The following MTMR4 variants were observed in gnomAD, a reference collection of about 807,000 sequenced individuals.
MTMR4 encodes the protein myotubularin related protein 4, also known as phosphatidylinositol-3,5-bisphosphate 3-phosphatase MTMR4.
Under a neutral mutation model 125.5 loss-of-function variants are expected in MTMR4, and 30 were observed. The observed-to-expected ratio is 0.24, with a 90% CI of 0.18 to 0.32. MTMR4 has a LOEUF of 0.32. Ranked by LOEUF, MTMR4 falls within the 10% of genes least tolerant of loss-of-function variation. MTMR4 has a pLI of 1.00. For missense variants in MTMR4, 1,039 were observed against 1,511.5 expected, an observed-to-expected ratio of 0.69 and a Z score of 5.18; for synonymous variants, 498 against 564.5, an observed-to-expected ratio of 0.88 and a Z score of 1.67.
intron 14 of MTMR4, among the ~76,000 whole-genome samples, chr17:58,499,448 G>A (rs957705028): frequency 6.6e-6 from 1 of 152,038 alleles, no homozygotes; most frequent in Non-Finnish European, 1.5e-5. Flanking sequence ...TCGGGAGGCT[G>A]AGGCAGAAGA....
At chr17:58,492,625 C>T (rs1213377484) in intron 16 of MTMR4, 26 bp from the exon 17 acceptor site, 42 of 1,607,724 alleles carry the variant, frequency 2.6e-5, no homozygotes, top group Non-Finnish European at 3.3e-5. Flanking sequence ...AAGAAAAATT[C>T]CTGGTCCTTG....
intron 1 of MTMR4, among the ~76,000 whole-genome samples, chr17:58,513,794 C>A (rs1019119408): frequency 5.9e-5 from 9 of 151,680 alleles, no homozygotes; most frequent in African/African-American, 1.9e-4. Flanking sequence ...TCAGCCAGAG[C>A]GGGAGGAGGG....
rs769660788 is a variant in MTMR4 at position 58,504,274 on chromosome 17, T to G, written c.1527+29A>C. On this transcript the variant is annotated intron_variant, in intron 12 of 17. Transcript: ENST00000682306. The surrounding 1 kb of genome is among the most constrained non-coding windows in gnomAD (Gnocchi z 7.1). ...GGGCCTCGGGCTGTCATTCCCCCCA[T>G]CCCTGTTGTCACAGGCCTTAGGACT... is the stretch of plus-strand genomic sequence containing the variant. 9 of 1,606,664 alleles carry G rather than the reference T, an allele frequency of 5.6e-6. No homozygotes were observed. Among genetic ancestry groups the G allele is most frequent in the Admixed American group, 3.3e-5 (2 of 59,864 alleles).
rs762110972 is a variant in MTMR4, at chr17:58,508,223, G to T, written c.645C>A (p.Asp215Glu). The T allele has an allele frequency of 1.9e-6, 3 of 1,613,910 alleles. No individual in the cohort carries two copies. Among genetic ancestry groups the T allele is most frequent in the Non-Finnish European group, 2.5e-6 (3 of 1,179,984 alleles). The change falls in exon 7 of 18, where the codon GAC becomes GAA. Residue 215 changes from aspartate (D) to glutamate (E), a missense_variant. Asp to Glu is a conservative substitution (Grantham distance 45). Transcript: ENST00000682306. This position sits in a 1 kb window ranked among gnomAD's most constrained non-coding sequence, Gnocchi z 4.8. ...QKLLVPVWIT[D>E]KELENVASFR... Reference sequence around the variant, plus strand: ...AGGAAGCCACGTTCTCCAGCTCTTTGTCAGTGATCCACACAGGAACCAGCA... The same window carrying T: ...AGGAAGCCACGTTCTCCAGCTCTTTTTCAGTGATCCACACAGGAACCAGCA...
At chr17:58,491,959 C>CAAGTCTCAAACTCCTGGCCT in intron 17 of MTMR4, 119 bp from the exon 18 acceptor site, 1 of 818,448 alleles carries the variant, frequency 1.2e-6, no homozygotes, top group Non-Finnish European at 1.8e-6. Context: ...TCGCTTGAGG[C>CAAGTCTCAAACTCCTGGCCT]CAGGAGTTTG....
Position 58,514,558 on chromosome 17 carries a change from G to C in MTMR4, c.-151C>G, listed in dbSNP as rs548872381. Reference sequence around the variant, plus strand: ...GGCGCTGGTGGCCGGGCCTCCGCGCGGCTCCCGCGCGCCTCTCCCCTCCTC... The same window carrying C: ...GGCGCTGGTGGCCGGGCCTCCGCGCCGCTCCCGCGCGCCTCTCCCCTCCTC... On this transcript the variant is annotated 5_prime_UTR_variant, in exon 1 of 18. Transcript: ENST00000682306. 103 of 985,116 alleles carry C rather than the reference G, an allele frequency of 1.0e-4. No homozygotes were observed. The African/African-American group carries it at 1.8e-3, about 17-fold the overall frequency. 61.0% of individuals were successfully genotyped at this position (985,116 alleles called of 1,614,324 possible).
chr17:58,504,327 C>T lies in MTMR4; in HGVS notation c.1503G>A (p.Leu501=). The T allele has an allele frequency of 6.2e-7, 1 of 1,613,870 alleles. No individual in the cohort carries two copies. The highest frequency in any genetic ancestry group is 8.5e-7 in the Non-Finnish European group (1 of 1,179,808). ...CCAGGAATGCTTCATTAAATTCAAA[C>T]AGGCAGGGGAACTGCTTAAGCAACT... ...VHQLLKQFPC[L]FEFNEAFLVK... The change falls in exon 12 of 18, where the codon CTG becomes CTA. Residue 501 remains leucine (L), a synonymous_variant. Coordinates refer to ENST00000682306, the MANE Select transcript of MTMR4 (RefSeq NM_001378067.1). The surrounding 1 kb of genome is among the most constrained non-coding windows in gnomAD (Gnocchi z 7.1).
Position 58,505,458 on chromosome 17 carries a change from T to G in MTMR4, c.1145+14A>C. ...GGAATGAGACTGGAAGGAATCCAAG[T>G]AGGGAACACCTACTTGCTAGGATCC... is the stretch of plus-strand genomic sequence containing the variant. On this transcript the variant is annotated intron_variant, in intron 10 of 17. Transcript: ENST00000682306. 6.3e-7 allele frequency: 1 copy of G among 1,592,806 alleles called. No homozygotes were observed. Among genetic ancestry groups the G allele is most frequent in the Non-Finnish European group, 8.6e-7 (1 of 1,162,352 alleles).
chr17:58,513,819 ATGCAGAGGTACGGAACCC>A lies in MTMR4; in HGVS notation c.45+526_45+543del, dbSNP rs558933772. Reference sequence around the variant, plus strand: ...CGGGAGGAGGGGAGGACCGGGAATGATGCAGAGGTACGGAACCCTGCAGAGGCAGGGAAGATGGAGAAG... The same window carrying A: ...CGGGAGGAGGGGAGGACCGGGAATGATGCAGAGGCAGGGAAGATGGAGAAG... On this transcript the variant is annotated intron_variant, in intron 1 of 17. Transcript: ENST00000682306. Among the ~76,000 whole-genome samples, 258 of 152,134 alleles carry A rather than the reference ATGCAGAGGTACGGAACCC, an allele frequency of 1.7e-3. 1 individual carries two copies. Among genetic ancestry groups the A allele is most frequent in the African/African-American group, 6.0e-3 (248 of 41,494 alleles).
chr17:58,495,918 C>A lies in MTMR4; in HGVS notation c.2266G>T (p.Gly756Cys), dbSNP rs62082147. The A allele has an allele frequency of 6.2e-7, 1 of 1,614,158 alleles. No homozygotes were observed. The highest frequency in any genetic ancestry group is 8.5e-7 in the Non-Finnish European group (1 of 1,180,030). ...TCCCCTATGCCATCTAAAGTCCTAC[C>A]CAGCTCATCCTGGGCAGAAGGGTCT... is the stretch of plus-strand genomic sequence containing the variant. Reference protein sequence around the residue: ...APDPSAQDELGRTLDGIGEPP... With the variant: ...APDPSAQDELCRTLDGIGEPP... Residue 756 changes from glycine (G) to cysteine (C), a missense_variant, in exon 15 of 18, where the codon GGT becomes TGT. Gly to Cys is a radical substitution (Grantham distance 159). Coordinates refer to ENST00000682306, the MANE Select transcript of MTMR4 (RefSeq NM_001378067.1).
At position 58,495,977 on chromosome 17, in the gene MTMR4, A is replaced by G. The variant is rs1417730709; in HGVS notation, c.2207T>C (p.Ile736Thr). Residue 736 changes from isoleucine (I) to threonine (T), a missense_variant, in exon 15 of 18, where the codon ATC (isoleucine) becomes ACC (threonine). This residue lies in a region of MTMR4 where 619 missense variants were observed against 714.5 expected (regional missense o/e 0.87). Coordinates refer to ENST00000682306, the MANE Select transcript of MTMR4 (RefSeq NM_001378067.1). ...EMKSNTSDPE[I>T]KVLEETKGPA... ...TCCCTTAGTCTCTTCTAGGACTTTG[A>G]TCTCAGGATCAGAGGTGTTGCTCTT... is the stretch of plus-strand genomic sequence containing the variant. 1.2e-6 allele frequency: 2 copies of G among 1,613,948 alleles called. No individual in the cohort carries two copies. Among genetic ancestry groups the G allele is most frequent in the African/African-American group, 1.3e-5 (1 of 74,886 alleles).
At chr17:58,506,992 T>G in intron 8 of MTMR4, 121 bp from the exon 9 acceptor site, 2 of 1,551,136 alleles carry the variant, frequency 1.3e-6, no homozygotes, top group Non-Finnish European at 1.8e-6. Context: ...CCCCACAGCT[T>G]CTGACAAGGC....
chr17:58,503,916 T>A lies in MTMR4; in HGVS notation c.1699-18A>T, dbSNP rs972507750. ...TGCAGGACCTAGGGAAGCAGCCCAA[T>A]ACTAGTGCTTTGTCAAGAGTTCCTT... On this transcript the variant is annotated intron_variant, in intron 13 of 17. Coordinates refer to ENST00000682306, the MANE Select transcript of MTMR4 (RefSeq NM_001378067.1). 1.2e-6 allele frequency: 2 copies of A among 1,604,852 alleles called. No individual in the cohort carries two copies. Among genetic ancestry groups the A allele is most frequent in the Non-Finnish European group, 1.7e-6 (2 of 1,175,208 alleles).
In MTMR4 at chr17:58,491,588, G is replaced by A; in HGVS notation, c.*75C>T. ...TCTGTGATTTCATGAGCCACACCAAGGAACCTTCCAAACTACAACTGAAGA... is the reference window on the plus strand; with the variant it reads ...TCTGTGATTTCATGAGCCACACCAAAGAACCTTCCAAACTACAACTGAAGA... On this transcript the variant is annotated 3_prime_UTR_variant, in exon 18 of 18. Coordinates refer to ENST00000682306, the MANE Select transcript of MTMR4 (RefSeq NM_001378067.1). 6.9e-7 allele frequency: 1 copy of A among 1,455,178 alleles called. No homozygotes were observed. The highest frequency in any genetic ancestry group is 1.9e-5 in the Admixed American group (1 of 53,136). 90.1% of individuals were successfully genotyped at this position (1,455,178 alleles called of 1,614,324 possible).
upstream of MTMR4, among the ~76,000 whole-genome samples, chr17:58,517,220 G>A (rs556954249): frequency 5.7e-4 from 87 of 152,344 alleles, 1 homozygote; most frequent in African/African-American, 2.0e-3. Flanking sequence ...TGGAGAGGAG[G>A]CCACACAACA....
chr17:58,511,490 T>A lies in MTMR4; in HGVS notation c.274A>T (p.Ser92Cys), dbSNP rs185591403. ...TGGAACATATCACGGCTCTCCACACTGTCAATCATCCGGAGGGGGACCTGT... is the reference window on the plus strand; with the variant it reads ...TGGAACATATCACGGCTCTCCACACAGTCAATCATCCGGAGGGGGACCTGT... ...VINVPLRMID[S>C]VESRDMFQLH... is the part of the protein sequence containing the mutation. Residue 92 changes from serine to cysteine, a missense_variant, in exon 4 of 18, where the codon AGT becomes TGT. This residue lies in a region of MTMR4 where 202 missense variants were observed against 311.9 expected (regional missense o/e 0.65). Coordinates refer to ENST00000682306, the MANE Select transcript of MTMR4 (RefSeq NM_001378067.1). The A allele has an allele frequency of 4.3e-6, 7 of 1,612,776 alleles. No homozygotes were observed. The Admixed American group carries it at 6.7e-5, about 15-fold the overall frequency.
Position 58,504,931 on chromosome 17 carries a change from A to C in MTMR4, c.1189T>G (p.Ser397Ala). The change falls in exon 11 of 18, where the codon TCG becomes GCG. Residue 397 changes from serine (S) to alanine (A), a missense_variant. Physicochemically the swap from Ser to Ala is moderately conservative, Grantham distance 99. Coordinates refer to ENST00000682306, the MANE Select transcript of MTMR4 (RefSeq NM_001378067.1). The surrounding 1 kb of genome is among the most constrained non-coding windows in gnomAD (Gnocchi z 7.1). ...AGCACAGCTGCTTTTAGCATCACCGACAAGTGCTGCAGCCATTTGGTACTC... is the reference window on the plus strand; with the variant it reads ...AGCACAGCTGCTTTTAGCATCACCGCCAAGTGCTGCAGCCATTTGGTACTC... ...LESTKWLQHL[S>A]VMLKAAVLVA... 6.2e-7 allele frequency: 1 copy of C among 1,613,618 alleles called. No homozygotes were observed. The highest frequency in any genetic ancestry group is 8.5e-7 in the Non-Finnish European group (1 of 1,179,746).
At chr17:58,502,159 T>A (rs1975656772) in intron 14 of MTMR4, among the ~76,000 whole-genome samples, 1 of 4,734 alleles carries the variant, frequency 2.1e-4, no homozygotes, top group African/African-American at 3.6e-3. Context: ...ATTTTACAAT[T>A]TTTTTTTTTT....
intron 14 of MTMR4, among the ~76,000 whole-genome samples, chr17:58,503,139 A>G (rs918196390): frequency 6.6e-6 from 1 of 152,202 alleles, no homozygotes; most frequent in South Asian, 2.1e-4. Flanking sequence ...AACAAAAATC[A>G]AGACCATTCC....
Sources: gnomAD v4.1 joint callset for allele counts (sites outside exome capture counted in the v4.1 genomes callset) on GRCh38, gnomAD v4.1.1 for gene constraint, gnomAD v4.1.1 regional missense constraint, Gnocchi (gnomAD v3.1) non-coding constraint, MANE v1.5 for transcripts, NCBI Gene and HGNC (gene_info 2026-07-23, HGNC 2026-07-21) for gene names.